Variants in TAF4B observed in about 807,000 individuals in gnomAD.
TAF4B encodes the protein TATA-box binding protein associated factor 4b, also known as transcription initiation factor TFIID subunit 4B.
TAF4B carries 38 observed loss-of-function variants against 86.4 expected under a neutral mutation model. That is an observed-to-expected ratio of 0.44 (90% CI 0.34 to 0.58). The LOEUF (loss-of-function observed/expected upper bound fraction) is 0.58, where lower values mean the gene tolerates loss of function less well. Ranked by LOEUF, TAF4B falls within the 20% of genes least tolerant of loss-of-function variation. The pLI, the probability that TAF4B is intolerant of heterozygous loss-of-function variation, is 0.02. For missense variants in TAF4B, 988 were observed against 1,027.6 expected, an observed-to-expected ratio of 0.96 and a Z score of 0.53; for synonymous variants, 388 against 391.2, an observed-to-expected ratio of 0.99 and a Z score of 0.10.
intron 14 of TAF4B, among the ~76,000 whole-genome samples, chr18:26,364,209 T>C (rs1030467967): frequency 6.6e-6 from 1 of 152,184 alleles, no homozygotes; most frequent in Admixed American, 6.5e-5. Flanking sequence ...TATGTTATCC[T>C]GACAAAGAGC....
intron 13 of TAF4B, among the ~76,000 whole-genome samples, chr18:26,357,150 C>A (rs1220731181): frequency 2.0e-5 from 3 of 152,010 alleles, no homozygotes; most frequent in Non-Finnish European, 4.4e-5. Context: ...TATGAAGTTG[C>A]CCTAACCTCT....
rs1202008455 is a variant in TAF4B, at chr18:26,346,759, G to GTGTATATATATA, written c.2317-10930_2317-10929insGTATATATATAT. ...CAAGAATATATATATATATATGTGT[G>GTGTATATATATA]TATATATATATATATGTGTGTGTAT... On this transcript the variant is annotated intron_variant, in intron 13 of 14. Coordinates refer to ENST00000269142, the MANE Select transcript of TAF4B (RefSeq NM_005640.3). 3.9e-3 allele frequency among the ~76,000 whole-genome samples: 107 copies of GTGTATATATATA among 27,140 alleles called. 7 individuals carry two copies. The highest frequency in any genetic ancestry group is 8.2e-3 in the African/African-American group (89 of 10,788). The allele number at this position is 27,140 out of a possible 152,430, so 17.8% of individuals were successfully genotyped here.
chr18:26,240,180 G>C (rs1377229604), intron 1 of TAF4B, among the ~76,000 whole-genome samples: 1 of 152,208 alleles, frequency 6.6e-6, no homozygotes, highest in African/African-American at 2.4e-5. Flanking sequence ...ACCTTGGGCA[G>C]TATGGCCATT....
At chr18:26,304,553 G>T (rs1379787206) in intron 9 of TAF4B, among the ~76,000 whole-genome samples, 1 of 152,158 alleles carries the variant, frequency 6.6e-6, no homozygotes, top group Non-Finnish European at 1.5e-5. Context: ...CTTTCTTCCA[G>T]AGAGGATTTG....
rs145692085 is a variant in TAF4B, at chr18:26,387,975, TC to T, written c.2422-1866del. Among the ~76,000 whole-genome samples the T allele has an allele frequency of 8.1e-3, 1,233 of 152,164 alleles. 16 individuals carry two copies. Among genetic ancestry groups the T allele is most frequent in the African/African-American group, 0.028 (1,173 of 41,492 alleles). On this transcript the variant is annotated intron_variant, in intron 14 of 14. Transcript: ENST00000269142. ...TTTTGGAGACCTTAAGAGATTTCCT[TC>T]CCCTCCATCAGAACAAGAAACCCAA... is the stretch of plus-strand genomic sequence containing the variant.
chr18:26,371,723 G>A (rs1002523280), intron 14 of TAF4B, among the ~76,000 whole-genome samples: 1 of 152,122 alleles, frequency 6.6e-6, no homozygotes, highest in Non-Finnish European at 1.5e-5. Flanking sequence ...GTGAACAGAT[G>A]GGTGACTTTG....
rs146215610 is a variant in TAF4B, at chr18:26,355,426, A to G, written c.2317-2264A>G. Among the ~76,000 whole-genome samples the G allele has an allele frequency of 2.0e-3, 310 of 152,324 alleles. 2 individuals carry two copies. Among genetic ancestry groups the G allele is most frequent in the African/African-American group, 7.3e-3 (302 of 41,570 alleles). On this transcript the variant is annotated intron_variant, in intron 13 of 14. Coordinates refer to ENST00000269142, the MANE Select transcript of TAF4B (RefSeq NM_005640.3). ...TATCCTCGATAAATGCCAGATTTGC[A>G]TTAATGCTCAGAACTTCCTCCTTTT...
chr18:26,348,970 A>G (rs1164269832), intron 13 of TAF4B: 1 of 152,240 alleles, frequency 6.6e-6, no homozygotes, highest in Non-Finnish European at 1.5e-5. Context: ...TATATGTGGC[A>G]GTGGCTTCTT....
At chr18:26,305,913 A>G (rs2056790156) in intron 9 of TAF4B, among the ~76,000 whole-genome samples, 1 of 152,186 alleles carries the variant, frequency 6.6e-6, no homozygotes, top group Non-Finnish European at 1.5e-5. Flanking sequence ...GAATTGGCTT[A>G]AAGAATTTTC....
At chr18:26,270,497 T>C (rs2056298970) in intron 3 of TAF4B, among the ~76,000 whole-genome samples, 1 of 152,200 alleles carries the variant, frequency 6.6e-6, no homozygotes, top group African/African-American at 2.4e-5. Context: ...ATTTAAAAAA[T>C]AGAGATGAGG....
At chr18:26,389,550 G>C (rs1367324219) in intron 14 of TAF4B, among the ~76,000 whole-genome samples, 1 of 152,230 alleles carries the variant, frequency 6.6e-6, no homozygotes, top group Non-Finnish European at 1.5e-5. Context: ...GGAAAGTCTG[G>C]CCTGCAATGC....
At chr18:26,303,347 AC>A (rs2056760605) in intron 9 of TAF4B, among the ~76,000 whole-genome samples, 1 of 49,406 alleles carries the variant, frequency 2.0e-5, no homozygotes. Context: ...CCACTTTCAT[AC>A]CCCCTCCACT....
Position 26,226,942 on chromosome 18 carries a change from C to T in TAF4B, c.9C>T (p.Ala3=), listed in dbSNP as rs1243360751. 1.5e-6 allele frequency: 2 copies of T among 1,375,504 alleles called. No homozygotes were observed. The highest frequency in any genetic ancestry group is 1.9e-6 in the Non-Finnish European group (2 of 1,074,186). 85.2% of individuals were successfully genotyped at this position (1,375,504 alleles called of 1,614,324 possible). The change falls in exon 1 of 15, where the codon GCC becomes GCT. Residue 3 remains alanine, a synonymous_variant. Transcript: ENST00000269142. The part of the protein sequence containing the change: MP[A]GLTEPAGAAP... Reference sequence around the variant, plus strand: ...CGCTGAGCCCCTGGGGGATGCCCGCCGGCCTCACCGAACCCGCCGGCGCCG... The same window carrying T: ...CGCTGAGCCCCTGGGGGATGCCCGCTGGCCTCACCGAACCCGCCGGCGCCG...
rs1412568530 is a variant in TAF4B, at chr18:26,322,578, A to G, written c.2133+1378A>G. On this transcript the variant is annotated intron_variant, in intron 11 of 14. Transcript: ENST00000269142. Reference sequence around the variant, plus strand: ...GTAACCTTTTATTTCTGTAAGGTCAATGGTAATGATCCCCCTTACATTACT... The same window carrying G: ...GTAACCTTTTATTTCTGTAAGGTCAGTGGTAATGATCCCCCTTACATTACT... Among the ~76,000 whole-genome samples, 6 of 152,272 alleles carry G rather than the reference A, an allele frequency of 3.9e-5. No homozygotes were observed. In the South Asian group the frequency reaches 1.0e-3, roughly 26 times the overall value.
At chr18:26,268,452 C>G (rs2056270239) in intron 3 of TAF4B, among the ~76,000 whole-genome samples, 2 of 152,156 alleles carry the variant, frequency 1.3e-5, no homozygotes, top group Admixed American at 1.3e-4. Flanking sequence ...ATTCCCTTCC[C>G]CTCAACTACC....
rs188664834 is a variant in TAF4B, at chr18:26,373,029, A to G, written c.2421+15235A>G. ...GGTGCTTGCATACCAGAAGGTGAGCAATGAGTCCCACAGAAATGTAGGGGC... is the reference window on the plus strand; with the variant it reads ...GGTGCTTGCATACCAGAAGGTGAGCGATGAGTCCCACAGAAATGTAGGGGC... On this transcript the variant is annotated intron_variant, in intron 14 of 14. Coordinates refer to ENST00000269142, the MANE Select transcript of TAF4B (RefSeq NM_005640.3). Among the ~76,000 whole-genome samples, 6 of 152,084 alleles carry G rather than the reference A, an allele frequency of 3.9e-5. No homozygotes were observed. The East Asian group carries it at 1.2e-3, about 29-fold the overall frequency.
At chr18:26,362,864 G>T (rs1394180206) in intron 14 of TAF4B, among the ~76,000 whole-genome samples, 1 of 151,884 alleles carries the variant, frequency 6.6e-6, no homozygotes, top group African/African-American at 2.4e-5. Context: ...AAATTATTCG[G>T]AGGAAAAAAC....
intron 13 of TAF4B, among the ~76,000 whole-genome samples, chr18:26,341,384 T>C (rs2057133960): frequency 6.6e-6 from 1 of 152,088 alleles, no homozygotes. Flanking sequence ...GTTCTTTCTT[T>C]CCTTCCAGAG....
At chr18:26,344,982 G>T (rs1167815139) in intron 13 of TAF4B, among the ~76,000 whole-genome samples, 3 of 152,150 alleles carry the variant, frequency 2.0e-5, no homozygotes, top group Non-Finnish European at 4.4e-5. Flanking sequence ...GCCAGCCCCT[G>T]TTGCCACCAC....
Sources: gnomAD v4.1 joint callset for allele counts (sites outside exome capture counted in the v4.1 genomes callset) on GRCh38, gnomAD v4.1.1 for gene constraint, MANE v1.5 for transcripts, NCBI Gene and HGNC (gene_info 2026-07-23, HGNC 2026-07-21) for gene names.